Variants in ATP6V0A4 observed in about 807,000 individuals in gnomAD.
ATP6V0A4 encodes V-type proton ATPase 116 kDa subunit a 4.
ATP6V0A4 carries 86 observed loss-of-function variants against 107.3 expected under a neutral mutation model. The ratio of observed to expected loss-of-function variants is 0.80; its 90% confidence interval spans 0.67 to 0.96. The LOEUF (loss-of-function observed/expected upper bound fraction) is 0.96. ATP6V0A4 is among the 40% of genes least tolerant of loss of function. The pLI is 0.00. For synonymous variants in ATP6V0A4, 353 were observed against 381.4 expected (o/e 0.93, Z 0.87); for missense variants, 908 against 1,045.6 (o/e 0.87, Z 1.81).
chr7:138,712,681 A>G (rs1329960919), intron 20 of ATP6V0A4, among the ~76,000 whole-genome samples: 1 of 152,142 alleles, frequency 6.6e-6, no homozygotes, highest in Non-Finnish European at 1.5e-5. Flanking sequence ...GACTTCTAGA[A>G]TGACCCAGTG....
At chr7:138,707,182 ATATAT>A (rs1185813521) in intron 21 of ATP6V0A4, among the ~76,000 whole-genome samples, 6 of 62,440 alleles carry the variant, frequency 9.6e-5, no homozygotes, top group African/African-American at 2.9e-4. Context: ...ATATTATATA[ATATAT>A]TATATATATT....
intron 17 of ATP6V0A4, among the ~76,000 whole-genome samples, chr7:138,732,250 T>C (rs1457778408): frequency 6.6e-6 from 1 of 152,216 alleles, no homozygotes; most frequent in Non-Finnish European, 1.5e-5. Flanking sequence ...ATTCTACAGC[T>C]GCAAGCCTAA....
At chr7:138,733,136 G>T in intron 16 of ATP6V0A4, 43 bp from the exon 17 acceptor site, 1 of 1,612,744 alleles carries the variant, frequency 6.2e-7, no homozygotes, top group African/African-American at 1.3e-5. Context: ...AGAACATCAA[G>T]GGAACGTTAG....
chr7:138,796,650 C>T (rs1808678862), intron 1 of ATP6V0A4, among the ~76,000 whole-genome samples: 1 of 152,174 alleles, frequency 6.6e-6, no homozygotes. Flanking sequence ...CCAAATGTCA[C>T]TTTCTCTGTG....
chr7:138,776,497 C>T (rs1389521970), intron 2 of ATP6V0A4, among the ~76,000 whole-genome samples: 1 of 152,162 alleles, frequency 6.6e-6, no homozygotes, highest in African/African-American at 2.4e-5. Context: ...TTGATTCTAC[C>T]TCTCCCTTCA....
chr7:138,756,010 C>T (rs1806494623), intron 9 of ATP6V0A4: 1 of 731,732 alleles, frequency 1.4e-6, no homozygotes, highest in Admixed American at 2.8e-5. Context: ...GAGCTTCATT[C>T]AAACCATAAA....
At chr7:138,734,606 G>A (rs1409623223) in intron 15 of ATP6V0A4, among the ~76,000 whole-genome samples, 3 of 151,772 alleles carry the variant, frequency 2.0e-5, no homozygotes, top group Non-Finnish European at 2.9e-5. Context: ...GCGAAACCCT[G>A]TCTCTACACC....
chr7:138,787,560 G>A (rs927929290), intron 1 of ATP6V0A4, among the ~76,000 whole-genome samples: 1 of 152,124 alleles, frequency 6.6e-6, no homozygotes, highest in Non-Finnish European at 1.5e-5. Context: ...GCTGAGGTGG[G>A]AGGATCACTG....
chr7:138,751,765 GCTCTTAT>G (rs562880015), intron 11 of ATP6V0A4, among the ~76,000 whole-genome samples: 119 of 152,118 alleles, frequency 7.8e-4, no homozygotes, highest in African/African-American at 2.8e-3. Context: ...ACATATTTTG[GCTCTTAT>G]TATAGATGCT....
At chr7:138,770,337 T>C (rs1243001546) in intron 3 of ATP6V0A4, among the ~76,000 whole-genome samples, 1 of 152,194 alleles carries the variant, frequency 6.6e-6, no homozygotes. Flanking sequence ...CTGCCTTGGC[T>C]ATCCAAATGA....
intron 18 of ATP6V0A4, among the ~76,000 whole-genome samples, chr7:138,723,806 G>A (rs780232951): frequency 8.6e-5 from 13 of 151,826 alleles, no homozygotes; most frequent in African/African-American, 2.9e-4. Flanking sequence ...GATTACAGGC[G>A]TGAGCCACCA....
chr7:138,739,508 A>G (rs1805506323), intron 15 of ATP6V0A4, 32 bp downstream of exon 15: 1 of 1,612,072 alleles, frequency 6.2e-7, no homozygotes, highest in East Asian at 2.2e-5. Context: ...TAGTTCACAT[A>G]AGAAATATTT....
chr7:138,735,490 T>TCA (rs761024787), intron 15 of ATP6V0A4, among the ~76,000 whole-genome samples: 34 of 151,772 alleles, frequency 2.2e-4, no homozygotes, highest in Non-Finnish European at 3.5e-4. Context: ...GCTCCCTCCA[T>TCA]CACACACACA....
intron 2 of ATP6V0A4, among the ~76,000 whole-genome samples, chr7:138,774,634 ATATATATTATATACATTATATAT>A (rs1477625739): frequency 1.4e-5 from 2 of 146,304 alleles, no homozygotes; most frequent in Non-Finnish European, 3.0e-5. Context: ...TATATACATT[ATATATATTATATACATTATATAT>A]TATATATTAT....
intron 10 of ATP6V0A4, among the ~76,000 whole-genome samples, chr7:138,753,354 G>C (rs1368754573): frequency 1.3e-5 from 2 of 152,202 alleles, no homozygotes; most frequent in African/African-American, 4.8e-5. Flanking sequence ...GAGAGGCAAG[G>C]AGGGGGCTCC....
chr7:138,740,609 T>C (rs1805586407), intron 14 of ATP6V0A4, among the ~76,000 whole-genome samples: 1 of 141,084 alleles, frequency 7.1e-6, no homozygotes, highest in Admixed American at 7.7e-5. Context: ...GCCCGACTAA[T>C]TTTTGTATTT....
chr7:138,779,362 A>AT lies in ATP6V0A4; in HGVS notation c.-18+6795_-18+6796insA, dbSNP rs111482766. On this transcript the variant is annotated intron_variant, in intron 2 of 21. Coordinates refer to ENST00000310018, the MANE Select transcript of ATP6V0A4 (RefSeq NM_020632.3). ...GACCCTATCTTAAAAAAAAATAAATAAATAAAAGATTGTAATATTGGTGGA... is the reference window on the plus strand; with the variant it reads ...GACCCTATCTTAAAAAAAAATAAATATAATAAAAGATTGTAATATTGGTGGA... 1.0e-4 allele frequency among the ~76,000 whole-genome samples: 11 copies of AT among 107,694 alleles called. 1 individual carries two copies. Among genetic ancestry groups the AT allele is most frequent in the African/African-American group, 3.2e-4 (11 of 34,754 alleles). The allele number at this position is 107,694 out of a possible 152,430, so 70.7% of individuals were successfully genotyped here.
intron 18 of ATP6V0A4, 138 bp downstream of exon 18, chr7:138,728,623 C>T (rs1356172949): frequency 3.4e-6 from 4 of 1,187,298 alleles, no homozygotes; most frequent in South Asian, 1.3e-5. Context: ...ACGAAACATA[C>T]TCAGGGCGGG....
chr7:138,726,562 C>A (rs975845917), intron 18 of ATP6V0A4, among the ~76,000 whole-genome samples: 1 of 152,172 alleles, frequency 6.6e-6, no homozygotes, highest in Non-Finnish European at 1.5e-5. Context: ...AGACAGGACC[C>A]CTGTTCATAT....
Sources: gnomAD v4.1 joint callset for allele counts (sites outside exome capture counted in the v4.1 genomes callset) on GRCh38, gnomAD v4.1.1 for gene constraint, MANE v1.5 for transcripts, NCBI Gene and HGNC (gene_info 2026-07-23, HGNC 2026-07-21) for gene names.